Variants in NALCN observed in about 807,000 individuals in gnomAD.
The protein encoded by NALCN is sodium leak channel NALCN.
Under a neutral mutation model 225.3 loss-of-function variants are expected in NALCN, and 111 were observed. The observed-to-expected ratio is 0.49, with a 90% CI of 0.42 to 0.58. The LOEUF (loss-of-function observed/expected upper bound fraction) is 0.58. Ranked by LOEUF, NALCN falls within the 20% of genes least tolerant of loss-of-function variation. The pLI is 0.00. For missense variants in NALCN, 1,378 were observed against 2,202.4 expected, an observed-to-expected ratio of 0.63 and a Z score of 7.49; for synonymous variants, 764 against 769.0, an observed-to-expected ratio of 0.99 and a Z score of 0.11.
intron 6 of NALCN, among the ~76,000 whole-genome samples, chr13:101,374,272 CT>C (rs869167949): frequency 0.013 from 1,549 of 119,894 alleles, 7 homozygotes; most frequent in African/African-American, 0.037. Flanking sequence ...AAATTTCTTT[CT>C]TTTTTTTTTT....
intron 34 of NALCN, 133 bp from the exon 35 acceptor site, chr13:101,076,074 T>TA: frequency 1.7e-6 from 1 of 596,532 alleles, no homozygotes. Flanking sequence ...GAAAGTGATC[T>TA]AAAAAAGGTG....
At chr13:101,186,662 TAA>T (rs2039460631) in intron 14 of NALCN, among the ~76,000 whole-genome samples, 1 of 152,088 alleles carries the variant, frequency 6.6e-6, no homozygotes, top group Non-Finnish European at 1.5e-5. Context: ...TTTAGAAATT[TAA>T]AAGTTTGAAC....
chr13:101,136,295 T>C (rs2036783631), intron 17 of NALCN, among the ~76,000 whole-genome samples: 1 of 5,378 alleles, frequency 1.9e-4, no homozygotes, highest in Non-Finnish European at 2.5e-4. Flanking sequence ...CATCGTTTTA[T>C]TTATTTATTT....
At chr13:101,184,623 T>A (rs2039373773) in intron 14 of NALCN, among the ~76,000 whole-genome samples, 1 of 152,248 alleles carries the variant, frequency 6.6e-6, no homozygotes, top group Non-Finnish European at 1.5e-5. Flanking sequence ...CCAATTTTGT[T>A]GTGATGCAGA....
chr13:101,349,484 C>T (rs1478637214), intron 6 of NALCN, among the ~76,000 whole-genome samples: 3 of 152,092 alleles, frequency 2.0e-5, no homozygotes, highest in African/African-American at 7.2e-5. Context: ...GGAGATGATC[C>T]TGAATTATCC....
At chr13:101,208,354 A>G (rs1468647655) in intron 13 of NALCN, among the ~76,000 whole-genome samples, 2 of 151,938 alleles carry the variant, frequency 1.3e-5, no homozygotes, top group Non-Finnish European at 2.9e-5. Context: ...CAAATATCAG[A>G]AGGAACAAAC....
At chr13:101,271,487 ATTT>A (rs1443005101) in intron 10 of NALCN, among the ~76,000 whole-genome samples, 1 of 152,040 alleles carries the variant, frequency 6.6e-6, no homozygotes, top group Admixed American at 6.6e-5. Flanking sequence ...TGGTTTTAAT[ATTT>A]ATTCCAGGTA....
intron 1 of NALCN, among the ~76,000 whole-genome samples, chr13:101,406,200 C>T (rs1001243199): frequency 1.8e-4 from 28 of 151,572 alleles, no homozygotes; most frequent in Non-Finnish European, 3.7e-4. Context: ...CTGGCATGCA[C>T]CTGTAGTCCC....
At chr13:101,063,211 C>A (rs1429272552) in intron 40 of NALCN, among the ~76,000 whole-genome samples, 1 of 152,176 alleles carries the variant, frequency 6.6e-6, no homozygotes, top group Non-Finnish European at 1.5e-5. Context: ...TCCTAGAGCC[C>A]AAATCACAGC....
At chr13:101,268,026 T>C (rs1296521625) in intron 10 of NALCN, among the ~76,000 whole-genome samples, 2 of 152,164 alleles carry the variant, frequency 1.3e-5, no homozygotes, top group African/African-American at 4.8e-5. Context: ...ATGTGTCACT[T>C]TGAGAAAGGG....
intron 2 of NALCN, among the ~76,000 whole-genome samples, chr13:101,398,370 G>C (rs910128315): frequency 2.6e-5 from 4 of 152,110 alleles, no homozygotes; most frequent in African/African-American, 9.7e-5. Flanking sequence ...TGTTACTTCA[G>C]CATCAACCAT....
At chr13:101,362,146 T>A (rs1011912052) in intron 6 of NALCN, among the ~76,000 whole-genome samples, 1 of 151,964 alleles carries the variant, frequency 6.6e-6, no homozygotes, top group Admixed American at 6.6e-5. Flanking sequence ...AGTTTATAGA[T>A]TTAGATGAAG....
intron 15 of NALCN, among the ~76,000 whole-genome samples, chr13:101,147,693 C>T (rs1424291575): frequency 6.6e-6 from 1 of 152,114 alleles, no homozygotes; most frequent in Non-Finnish European, 1.5e-5. Flanking sequence ...TGCGAGCTGC[C>T]ATGCCTGGTC....
chr13:101,181,157 C>T, intron 14 of NALCN: 1 of 518,780 alleles, frequency 1.9e-6, no homozygotes, highest in Non-Finnish European at 3.8e-6. Flanking sequence ...ACGCAGATGC[C>T]AAGGAGAAGA....
chr13:101,250,468 C>T (rs1462708088), intron 11 of NALCN, among the ~76,000 whole-genome samples: 1 of 151,952 alleles, frequency 6.6e-6, no homozygotes, highest in East Asian at 1.9e-4. Flanking sequence ...CAATTGTGCA[C>T]ATGTGTAAAC....
chr13:101,111,360 A>C, intron 18 of NALCN, 134 bp from the exon 19 acceptor site: 2 of 653,354 alleles, frequency 3.1e-6, no homozygotes, highest in Non-Finnish European at 4.8e-6. Context: ...ATAACGTATA[A>C]TTATAAAGGA....
In NALCN at chr13:101,285,474, A is replaced by ATT. The variant is rs74692199; in HGVS notation, c.1048-1457_1048-1456dup. Reference sequence around the variant, plus strand: ...GCCACAATGCCCAACTAATTTTTGTATTTTTTTTTTTACTAGACAGAGGGT... The same window carrying ATT: ...GCCACAATGCCCAACTAATTTTTGTATTTTTTTTTTTTTACTAGACAGAGGGT... On this transcript the variant is annotated intron_variant, in intron 9 of 43. Coordinates refer to ENST00000251127, the MANE Select transcript of NALCN (RefSeq NM_052867.4). 1.6e-3 allele frequency among the ~76,000 whole-genome samples: 237 copies of ATT among 146,774 alleles called. No individual in the cohort carries two copies. In the Middle Eastern group the frequency reaches 0.018, roughly 11 times the overall value.
At chr13:101,385,902 C>T (rs779829311) in intron 3 of NALCN, among the ~76,000 whole-genome samples, 2 of 152,170 alleles carry the variant, frequency 1.3e-5, no homozygotes, top group Admixed American at 6.5e-5. Flanking sequence ...AATCTTACAT[C>T]TTACAGTCAA....
chr13:101,378,734 A>G (rs2046763938), intron 3 of NALCN, 81 bp from the exon 4 acceptor site: 1 of 1,191,202 alleles, frequency 8.4e-7, no homozygotes, highest in Non-Finnish European at 1.2e-6. Context: ...GTCAAATATT[A>G]TTTCAATAAA....
Sources: gnomAD v4.1 joint callset for allele counts (sites outside exome capture counted in the v4.1 genomes callset) on GRCh38, gnomAD v4.1.1 for gene constraint, MANE v1.5 for transcripts, NCBI Gene and HGNC (gene_info 2026-07-23, HGNC 2026-07-21) for gene names.